Variants in ZNF274 observed in about 807,000 individuals in gnomAD.
The protein encoded by ZNF274 is zinc finger protein 274, also known as neurotrophin receptor-interacting factor homolog.
Under a neutral mutation model 42.5 loss-of-function variants are expected in ZNF274, and 23 were observed. That is an observed-to-expected ratio of 0.54 (90% CI 0.39 to 0.77). ZNF274 has a LOEUF of 0.77. ZNF274 is among the 30% of genes least tolerant of loss of function. ZNF274 has a pLI of 0.00. For synonymous variants in ZNF274, 292 were observed against 305.4 expected, an observed-to-expected ratio of 0.96 and a Z score of 0.46; for missense variants, 679 against 806.5, an observed-to-expected ratio of 0.84 and a Z score of 1.91.
Position 58,212,695 on chromosome 19 carries a change from A to G in ZNF274, c.1514A>G (p.Gln505Arg). ...ITFIRIHKGSQVCRCSECGKI... is the reference protein window; with the variant it reads ...ITFIRIHKGSRVCRCSECGKI... ...TTTATAAGAATTCACAAGGGGAGCC[A>G]AGTTTGCCGATGCAGTGAATGTGGT... Residue 505 changes from glutamine (Q) to arginine (R), a missense_variant, in exon 8 of 8, where the codon CAA (glutamine) becomes CGA (arginine). Gln to Arg is a conservative substitution (Grantham distance 43). Transcript: ENST00000617501. This position sits in a 1 kb window ranked among gnomAD's most constrained non-coding sequence, Gnocchi z 4.6. 6.2e-7 allele frequency: 1 copy of G among 1,614,050 alleles called. No homozygotes were observed. The highest frequency in any genetic ancestry group is 1.6e-4 in the Middle Eastern group (1 of 6,062).
chr19:58,184,112 AG>A (rs1373856673), intron 2 of ZNF274, 114 bp downstream of exon 2: 4 of 1,238,838 alleles, frequency 3.2e-6, no homozygotes, highest in South Asian at 1.3e-5. Context: ...CACCTCGGGG[AG>A]GGGGTAGAGA....
intron 4 of ZNF274, among the ~76,000 whole-genome samples, chr19:58,193,006 C>T (rs900346748): frequency 6.6e-6 from 1 of 152,124 alleles, no homozygotes; most frequent in Non-Finnish European, 1.5e-5. Flanking sequence ...GCTGAGATTA[C>T]CGTCTTTAGC....
At position 58,211,379 on chromosome 19, in the gene ZNF274, C is replaced by G; in HGVS notation, c.853-181C>G. On this transcript the variant is annotated intron_variant, in intron 6 of 7. Transcript: ENST00000617501. The surrounding 1 kb of genome is among the most constrained non-coding windows in gnomAD (Gnocchi z 4.8). The stretch of plus-strand genomic sequence containing the variant: ...TGCCTCCCAGCCTGAGACCCAGACC[C>G]TGGTTTGGACCCAGTAGAACTCTTG... 1.5e-6 allele frequency: 1 copy of G among 669,830 alleles called. No homozygotes were observed. The highest frequency in any genetic ancestry group is 2.3e-6 in the Non-Finnish European group (1 of 429,766). The allele number at this position is 669,830 out of a possible 1,614,324, so 41.5% of individuals were successfully genotyped here.
chr19:58,199,558 T>C (rs918831674), intron 4 of ZNF274, among the ~76,000 whole-genome samples: 1 of 152,094 alleles, frequency 6.6e-6, no homozygotes, highest in Non-Finnish European at 1.5e-5. Flanking sequence ...CTGTCTCTAC[T>C]AAAAATACAA....
chr19:58,196,641 T>C (rs1189818474), intron 4 of ZNF274, among the ~76,000 whole-genome samples: 2 of 152,182 alleles, frequency 1.3e-5, no homozygotes, highest in African/African-American at 4.8e-5. Flanking sequence ...GGTGAGTGTT[T>C]TATTGGGAGG....
Position 58,212,041 on chromosome 19 carries a change from G to C in ZNF274, c.980-120G>C. The C allele has an allele frequency of 4.9e-6, 6 of 1,237,062 alleles. No individual in the cohort carries two copies. Among genetic ancestry groups the C allele is most frequent in the Non-Finnish European group, 6.7e-6 (6 of 901,178 alleles). 76.6% of individuals were successfully genotyped at this position (1,237,062 alleles called of 1,614,324 possible). On this transcript the variant is annotated intron_variant, in intron 7 of 7. Transcript: ENST00000617501. The surrounding 1 kb of genome is among the most constrained non-coding windows in gnomAD (Gnocchi z 4.6). Reference sequence around the variant, plus strand: ...TTTTCAGTCTCTCTCCAGGTTGCATGACTCTATTTGGGAGAAAAAAAAAAT... The same window carrying C: ...TTTTCAGTCTCTCTCCAGGTTGCATCACTCTATTTGGGAGAAAAAAAAAAT...
At chr19:58,195,586 T>A (rs2075832309) in intron 4 of ZNF274, among the ~76,000 whole-genome samples, 1 of 152,224 alleles carries the variant, frequency 6.6e-6, no homozygotes. Context: ...GAGTTTAGAC[T>A]TGGGCCATTT....
chr19:58,186,857 G>T, intron 3 of ZNF274, 90 bp from the exon 4 acceptor site: 1 of 1,080,804 alleles, frequency 9.3e-7, no homozygotes, highest in Non-Finnish European at 1.4e-6. Context: ...CTTAGCAGGG[G>T]AGAAGCTGGA....
Position 58,206,757 on chromosome 19 carries a change from T to G in ZNF274, c.294T>G (p.Pro98=). Residue 98 remains proline, a synonymous_variant, in exon 5 of 8, where the codon CCT becomes CCG. Coordinates refer to ENST00000617501, the MANE Select transcript of ZNF274 (RefSeq NM_133502.3). The stretch of plus-strand genomic sequence containing the variant: ...TCCAGCTGGACCCTAAATTGGATCC[T>G]CTTCCTGCTGAGAGTCCCCTAATGA... The part of the protein sequence containing the change: ...PELQLDPKLD[P]LPAESPLMNI... 1 of 1,605,750 alleles carries G rather than the reference T, an allele frequency of 6.2e-7. No homozygotes were observed. Among genetic ancestry groups the G allele is most frequent in the South Asian group, 1.1e-5 (1 of 89,416 alleles).
rs929879380 is a variant in ZNF274, at chr19:58,184,120, G to C, written c.33+122G>C. 4.3e-6 allele frequency: 5 copies of C among 1,151,984 alleles called. No homozygotes were observed. The African/African-American group carries it at 7.7e-5, about 18-fold the overall frequency. 71.4% of individuals were successfully genotyped at this position (1,151,984 alleles called of 1,614,324 possible). A position where few individuals can be genotyped will look rare whatever the true frequency, so the allele number is the denominator to read the frequency against. On this transcript the variant is annotated intron_variant, in intron 2 of 7. Coordinates refer to ENST00000617501, the MANE Select transcript of ZNF274 (RefSeq NM_133502.3). The stretch of plus-strand genomic sequence containing the variant: ...TCCAGAGCACCTCGGGGAGGGGGTA[G>C]AGATTGGTTGGGCATGAGAGATCCT...
intron 4 of ZNF274, among the ~76,000 whole-genome samples, chr19:58,205,962 G>A (rs1025991932): frequency 6.6e-6 from 1 of 152,172 alleles, no homozygotes; most frequent in African/African-American, 2.4e-5. Context: ...GTTCACTCTT[G>A]TAAAGTGTAC....
intron 4 of ZNF274, among the ~76,000 whole-genome samples, chr19:58,187,556 G>A (rs1315033891): frequency 6.6e-6 from 1 of 151,890 alleles, no homozygotes; most frequent in Non-Finnish European, 1.5e-5. Context: ...CAGGTAGCTG[G>A]ATCTATAGGC....
chr19:58,188,635 A>G (rs2075733135), intron 4 of ZNF274, among the ~76,000 whole-genome samples: 2 of 136,680 alleles, frequency 1.5e-5, no homozygotes, highest in Non-Finnish European at 3.1e-5. Flanking sequence ...ATATATATAT[A>G]TATATATATA....
Position 58,212,796 on chromosome 19 carries a change from G to C in ZNF274, c.1615G>C (p.Asp539His). The C allele has an allele frequency of 6.2e-7, 1 of 1,614,014 alleles. No individual in the cohort carries two copies. The highest frequency in any genetic ancestry group is 8.5e-7 in the Non-Finnish European group (1 of 1,179,898). ...HTGERPYVCQ[D>H]CGKGFVQSSS... ...CGGAGAGAGGCCCTATGTGTGTCAA[G>C]ACTGTGGGAAAGGATTTGTTCAGAG... The change falls in exon 8 of 8, where the codon GAC becomes CAC. Residue 539 changes from aspartate to histidine, a missense_variant. Physicochemically the swap from Asp to His is moderately conservative, Grantham distance 81. Around this residue, in one of 2 missense-constraint regions of ZNF274, gnomAD observed 456 missense variants for 590.1 expected, o/e 0.77. Coordinates refer to ENST00000617501, the MANE Select transcript of ZNF274 (RefSeq NM_133502.3). This position sits in a 1 kb window ranked among gnomAD's most constrained non-coding sequence, Gnocchi z 4.6.
Position 58,204,237 on chromosome 19 carries a change from T to C in ZNF274, c.257-2483T>C, listed in dbSNP as rs1175213106. Reference sequence around the variant, plus strand: ...TTGCCCCATGTAGGCCCAGGACGTGTCCCTGTCAGCGGGGACTAGGGAGAA... The same window carrying C: ...TTGCCCCATGTAGGCCCAGGACGTGCCCCTGTCAGCGGGGACTAGGGAGAA... On this transcript the variant is annotated intron_variant, in intron 4 of 7. Coordinates refer to ENST00000617501, the MANE Select transcript of ZNF274 (RefSeq NM_133502.3). 2.6e-5 allele frequency among the ~76,000 whole-genome samples: 4 copies of C among 151,974 alleles called. No homozygotes were observed. In the East Asian group the frequency reaches 7.8e-4, roughly 30 times the overall value.
At chr19:58,204,839 T>C (rs2075963656) in intron 4 of ZNF274, among the ~76,000 whole-genome samples, 1 of 151,776 alleles carries the variant, frequency 6.6e-6, no homozygotes, top group African/African-American at 2.4e-5. Flanking sequence ...CACCCAGAGG[T>C]TGACTCAGAG....
At chr19:58,187,659 C>A (rs949909297) in intron 4 of ZNF274, among the ~76,000 whole-genome samples, 5 of 152,120 alleles carry the variant, frequency 3.3e-5, no homozygotes, top group Non-Finnish European at 7.4e-5. Context: ...CTCAAGTGAT[C>A]CATCCACCTC....
intron 4 of ZNF274, among the ~76,000 whole-genome samples, chr19:58,204,989 G>C (rs1360726028): frequency 1.3e-5 from 2 of 152,198 alleles, no homozygotes; most frequent in Non-Finnish European, 2.9e-5. Context: ...AGCAGTAAAA[G>C]GGTATATTGG....
chr19:58,199,929 T>C (rs1363444628), intron 4 of ZNF274, among the ~76,000 whole-genome samples: 1 of 152,256 alleles, frequency 6.6e-6, no homozygotes, highest in African/African-American at 2.4e-5. Context: ...GAAGTACTGA[T>C]GTCCTTTTCC....
Sources: allele counts gnomAD v4.1 joint callset (sites outside exome capture counted in the v4.1 genomes callset), GRCh38; gene constraint gnomAD v4.1.1; regional missense constraint gnomAD v4.1.1; non-coding constraint Gnocchi (gnomAD v3.1); transcripts MANE v1.5; gene names NCBI Gene and HGNC (gene_info 2026-07-23, HGNC 2026-07-21).